DCST1: variants seen among roughly 807,000 people sequenced by gnomAD.
DCST1 encodes the protein DC-STAMP domain containing 1.
Under a neutral mutation model 89.1 loss-of-function variants are expected in DCST1, and 78 were observed. The ratio of observed to expected loss-of-function variants is 0.88; its 90% CI spans 0.73 to 1.06. The LOEUF is 1.06. DCST1 is among the 50% of genes least tolerant of loss of function. DCST1 has a pLI of 0.00. For missense variants in DCST1, 900 were observed against 928.6 expected (o/e 0.97, Z 0.40); for synonymous variants, 364 against 371.9 (o/e 0.98, Z 0.24).
At chr1:155,033,880 T>C (rs1016223738) in intron 1 of DCST1, 26 bp downstream of exon 1, 5 of 1,277,046 alleles carry the variant, frequency 3.9e-6, no homozygotes, top group Non-Finnish European at 5.4e-6. Flanking sequence ...CCTTCCCCAC[T>C]TCTCGGAGCA....
At chr1:155,037,395 T>C (rs6657129) in intron 4 of DCST1, among the ~76,000 whole-genome samples, 64,147 of 150,846 alleles carry the variant, frequency 0.43, 14,595 homozygotes, top group East Asian at 0.87. Context: ...GCCTGCCCAT[T>C]CCAACCACTT....
At chr1:155,036,967 G>T (rs1660296554) in intron 4 of DCST1, among the ~76,000 whole-genome samples, 1 of 152,242 alleles carries the variant, frequency 6.6e-6, no homozygotes, top group African/African-American at 2.4e-5. Flanking sequence ...TCGCTATATT[G>T]CCCAGGCAGG....
At chr1:155,045,681 A>G (rs1660594775) in intron 10 of DCST1, 1 of 579,848 alleles carries the variant, frequency 1.7e-6, no homozygotes. Flanking sequence ...CTCACCCATC[A>G]TGTAGGGGGA....
rs778641862 is a variant in DCST1, at chr1:155,041,534, G to A, written c.669G>A (p.Glu223=). The A allele has an allele frequency of 2.5e-6, 4 of 1,613,894 alleles. No homozygotes were observed. In the East Asian group the frequency reaches 6.7e-5, roughly 27 times the overall value. The change falls in exon 7 of 17, where the codon GAG becomes GAA. Residue 223 remains glutamate (E), a synonymous_variant. Transcript: ENST00000295542. ...MDSGETAQGR[E]ARQAPASRLH... The stretch of plus-strand genomic sequence containing the variant: ...CAGGGGAGACAGCCCAGGGCAGGGA[G>A]GCCCGCCAAGCCCCAGCCTCCAGAC...
rs1314830863 is a variant in DCST1, at chr1:155,041,772, G to C, written c.807G>C (p.Gln269His). The C allele has an allele frequency of 1.2e-6, 2 of 1,614,126 alleles. No individual in the cohort carries two copies. Among genetic ancestry groups the C allele is most frequent in the Non-Finnish European group, 1.7e-6 (2 of 1,180,052 alleles). The part of the protein sequence containing the change: ...CRRWFDRKHE[Q>H]CMKHIWVPLL... ...GTTGGTTTGACCGCAAGCATGAACA[G>C]TGCATGAAGCACATCTGGGTCCCAC... The change falls in exon 8 of 17, where the codon CAG (glutamine) becomes CAC (histidine). Residue 269 changes from glutamine (Q) to histidine (H), a missense_variant. Gln to His is a conservative substitution (Grantham distance 24). Coordinates refer to ENST00000295542, the MANE Select transcript of DCST1 (RefSeq NM_152494.4).
chr1:155,047,979 C>A, intron 15 of DCST1, 50 bp downstream of exon 15: 3 of 1,613,486 alleles, frequency 1.9e-6, no homozygotes, highest in Middle Eastern at 1.6e-4. Context: ...CACACACACA[C>A]ACACACCACC....
Position 155,043,481 on chromosome 1 carries a change from T to C in DCST1, c.1144T>C (p.Ser382Pro). 1.2e-6 allele frequency: 2 copies of C among 1,601,038 alleles called. No individual in the cohort carries two copies. The highest frequency in any genetic ancestry group is 4.5e-5 in the East Asian group (2 of 44,762). The change falls in exon 10 of 17, where the codon TCC (serine) becomes CCC (proline). Residue 382 changes from serine (S) to proline (P), a missense_variant. Physicochemically the swap from Ser to Pro is moderately conservative, Grantham distance 74 (BLOSUM62 -1). Coordinates refer to ENST00000295542, the MANE Select transcript of DCST1 (RefSeq NM_152494.4). ...CCTGGGGCTGCTGCACGTGCTGCTC[T>C]CCTGCACTTTCCTGCTGGTCCTGCA... ...WALGLLHVLL[S>P]CTFLLVLHAS...
rs1043110097 is a variant in DCST1, at chr1:155,040,370, G to C, written c.392-115G>C. The stretch of plus-strand genomic sequence containing the variant: ...ACAAGTTGACCTTTCATAGGCTCTC[G>C]GCCCCACCACTGTATAGTTCTAGGC... On this transcript the variant is annotated intron_variant, in intron 5 of 16. Coordinates refer to ENST00000295542, the MANE Select transcript of DCST1 (RefSeq NM_152494.4). 2.7e-6 allele frequency: 3 copies of C among 1,120,356 alleles called. No individual in the cohort carries two copies. The African/African-American group carries it at 4.9e-5, about 18-fold the overall frequency. The allele number at this position is 1,120,356 out of a possible 1,614,324, so 69.4% of individuals were successfully genotyped here.
intron 16 of DCST1, 57 bp downstream of exon 16, chr1:155,048,227 C>A: frequency 7.1e-7 from 1 of 1,408,880 alleles, no homozygotes; most frequent in South Asian, 1.2e-5. Flanking sequence ...GTACAGCAGG[C>A]AAGGGGCAGC....
intron 8 of DCST1, 84 bp downstream of exon 8, chr1:155,041,941 G>A (rs1660452620): frequency 6.3e-7 from 1 of 1,575,196 alleles, no homozygotes; most frequent in Middle Eastern, 2.1e-4. Flanking sequence ...AGGCAGGAAA[G>A]CAACAGATGA....
intron 4 of DCST1, chr1:155,034,944 G>A (rs980479633): frequency 1.9e-5 from 11 of 585,850 alleles, no homozygotes; most frequent in Non-Finnish European, 3.3e-5. Flanking sequence ...TCTCCATTCC[G>A]AGGGACTCCC....
At chr1:155,040,774 T>C (rs1660417446) in intron 6 of DCST1, 150 bp downstream of exon 6, 2 of 1,265,512 alleles carry the variant, frequency 1.6e-6, no homozygotes, top group East Asian at 2.6e-5. Flanking sequence ...TTGCAGAACG[T>C]GCCCTGGTCC....
rs1363304433 is a variant in DCST1, at chr1:155,040,738, A to G, written c.531+114A>G. 8 of 1,421,058 alleles carry G rather than the reference A, an allele frequency of 5.6e-6. No individual in the cohort carries two copies. In the African/African-American group the frequency reaches 1.2e-4, roughly 21 times the overall value. The allele number at this position is 1,421,058 out of a possible 1,614,324, so 88.0% of individuals were successfully genotyped here. A position where few individuals can be genotyped will look rare whatever the true frequency, so the allele number is the denominator to read the frequency against. ...GTTTCCCAATGGGGATACTACTGGCATTTTTTGCAGAACTATTCCCAAACA... is the reference window on the plus strand; with the variant it reads ...GTTTCCCAATGGGGATACTACTGGCGTTTTTTGCAGAACTATTCCCAAACA... On this transcript the variant is annotated intron_variant, in intron 6 of 16. Coordinates refer to ENST00000295542, the MANE Select transcript of DCST1 (RefSeq NM_152494.4).
chr1:155,037,625 G>T (rs1660314428), intron 4 of DCST1, among the ~76,000 whole-genome samples: 1 of 151,848 alleles, frequency 6.6e-6, no homozygotes. Flanking sequence ...TATATTTTTA[G>T]TTGAGACAGC....
Position 155,040,575 on chromosome 1 carries a change from C to T in DCST1, c.482C>T (p.Ala161Val). 6.3e-7 allele frequency: 1 copy of T among 1,587,466 alleles called. No individual in the cohort carries two copies. Among genetic ancestry groups the T allele is most frequent in the Non-Finnish European group, 8.6e-7 (1 of 1,165,914 alleles). ...CTGCAGATCAACAACACCCGCGCAG[C>T]TTGGCGCATCTCCACAGCCCCCTTA... ...VELQINNTRA[A>V]WRISTAPLRA... The change falls in exon 6 of 17, where the codon GCT becomes GTT. Residue 161 changes from alanine (A) to valine (V), a missense_variant. By Grantham distance (64) the Ala-to-Val change is moderately conservative. Transcript: ENST00000295542.
intron 5 of DCST1, among the ~76,000 whole-genome samples, chr1:155,040,022 A>AG (rs1660389635): frequency 1.8e-5 from 2 of 111,710 alleles, no homozygotes; most frequent in African/African-American, 7.0e-5. Flanking sequence ...AAAAAAAAAA[A>AG]GGCCAGGCAC....
At chr1:155,047,672 G>A in intron 14 of DCST1, 115 bp from the exon 15 acceptor site, 1 of 913,614 alleles carries the variant, frequency 1.1e-6, no homozygotes, top group Non-Finnish European at 1.7e-6. Context: ...GGGCAGGCAG[G>A]AGGAGAGCAG....
At chr1:155,043,050 T>C (rs1436079999) in intron 9 of DCST1, among the ~76,000 whole-genome samples, 194 bp downstream of exon 9, 9 of 149,820 alleles carry the variant, frequency 6.0e-5, no homozygotes, top group Admixed American at 4.6e-4. Flanking sequence ...CCCGAACACC[T>C]GAGATGGGCA....
chr1:155,041,170 C>T (rs1296534416), intron 6 of DCST1, among the ~76,000 whole-genome samples: 2 of 151,986 alleles, frequency 1.3e-5, no homozygotes, highest in African/African-American at 4.8e-5. Context: ...CTGGGAGGTA[C>T]GCAGAGCCAG....
Sources: gnomAD v4.1 joint callset for allele counts (sites outside exome capture counted in the v4.1 genomes callset) on GRCh38, gnomAD v4.1.1 for gene constraint, MANE v1.5 for transcripts, NCBI Gene and HGNC (gene_info 2026-07-23, HGNC 2026-07-21) for gene names.